The following BABAM2 variants were observed in gnomAD, a reference collection of about 807,000 sequenced individuals.
The protein encoded by BABAM2 is BRISC and BRCA1 A complex member 2.
Under a neutral mutation model 54.7 loss-of-function variants are expected in BABAM2, and 31 were observed. The ratio of observed to expected loss-of-function variants is 0.57; its 90% CI spans 0.43 to 0.77. BABAM2 has a LOEUF of 0.77. BABAM2 is among the 30% of genes least tolerant of loss of function. BABAM2 has a pLI of 0.00. For missense variants in BABAM2, 364 were observed against 455.8 expected, an observed-to-expected ratio of 0.80 and a Z score of 1.83; for synonymous variants, 167 against 162.9, an observed-to-expected ratio of 1.03 and a Z score of -0.19.
intron 3 of BABAM2, among the ~76,000 whole-genome samples, chr2:27,971,537 TA>T (rs1295911945): frequency 1.3e-5 from 2 of 152,134 alleles, no homozygotes; most frequent in Non-Finnish European, 2.9e-5. Context: ...TCTGTATGTT[TA>T]AACCAACTTT....
At chr2:27,949,708 T>C (rs922134411) in intron 3 of BABAM2, among the ~76,000 whole-genome samples, 1 of 152,178 alleles carries the variant, frequency 6.6e-6, no homozygotes, top group African/African-American at 2.4e-5. Context: ...TTCAACTGTT[T>C]AGATATTCTT....
At chr2:27,942,396 T>C (rs766176711) in intron 3 of BABAM2, among the ~76,000 whole-genome samples, 65 of 152,142 alleles carry the variant, frequency 4.3e-4, no homozygotes, top group Non-Finnish European at 6.9e-4. Flanking sequence ...GGTCTCGCCA[T>C]GTCACCCAGC....
intron 3 of BABAM2, among the ~76,000 whole-genome samples, chr2:27,972,634 G>A (rs1388902614): frequency 6.6e-6 from 1 of 151,944 alleles, no homozygotes; most frequent in Non-Finnish European, 1.5e-5. Flanking sequence ...AGATGCTAAA[G>A]TTTATATTTA....
chr2:27,986,488 AT>A (rs1672410153), intron 3 of BABAM2, among the ~76,000 whole-genome samples: 1 of 152,136 alleles, frequency 6.6e-6, no homozygotes, highest in African/African-American at 2.4e-5. Flanking sequence ...AAAAATCCAT[AT>A]GAGTGACATT....
intron 6 of BABAM2, among the ~76,000 whole-genome samples, chr2:28,078,986 T>C (rs943955355): frequency 2.6e-5 from 4 of 152,200 alleles, no homozygotes; most frequent in African/African-American, 9.6e-5. Flanking sequence ...ATTTCCAGCA[T>C]GAACCAATTT....
chr2:28,120,982 TAGGTGGGG>T (rs1200343786), intron 6 of BABAM2, among the ~76,000 whole-genome samples: 4 of 152,222 alleles, frequency 2.6e-5, no homozygotes, highest in Non-Finnish European at 5.9e-5. Flanking sequence ...TTGTCTGGAC[TAGGTGGGG>T]AGAATATTTT....
intron 7 of BABAM2, among the ~76,000 whole-genome samples, chr2:28,131,969 T>C (rs928209956): frequency 6.6e-6 from 1 of 152,216 alleles, no homozygotes; most frequent in Non-Finnish European, 1.5e-5. Context: ...GTTGTTTTTC[T>C]TGGAAGTTAC....
chr2:28,167,099 A>G (rs1013980069), intron 7 of BABAM2, among the ~76,000 whole-genome samples: 2 of 152,196 alleles, frequency 1.3e-5, no homozygotes, highest in African/African-American at 4.8e-5. Flanking sequence ...TAAACTTTTC[A>G]GGAATTGACA....
intron 3 of BABAM2, among the ~76,000 whole-genome samples, chr2:27,939,422 T>A (rs1668720136): frequency 6.6e-6 from 1 of 152,214 alleles, no homozygotes; most frequent in African/African-American, 2.4e-5. Context: ...AATTAAATAT[T>A]TGTTGAAGAA....
intron 4 of BABAM2, among the ~76,000 whole-genome samples, chr2:27,994,846 A>G (rs181989703): frequency 1.3e-5 from 2 of 152,204 alleles, no homozygotes; most frequent in African/African-American, 4.8e-5. Flanking sequence ...CATATAGTAT[A>G]GATGATAGGA....
intron 7 of BABAM2, among the ~76,000 whole-genome samples, chr2:28,177,504 G>C (rs1675132349): frequency 6.6e-6 from 1 of 150,840 alleles, no homozygotes; most frequent in African/African-American, 2.5e-5. Flanking sequence ...AAATGAGGAA[G>C]GGAAAGGACT....
At chr2:28,022,731 A>T (rs890197267) in intron 4 of BABAM2, among the ~76,000 whole-genome samples, 7 of 152,162 alleles carry the variant, frequency 4.6e-5, no homozygotes, top group African/African-American at 9.7e-5. Flanking sequence ...AGAGAGAGAA[A>T]CACTTATTTT....
chr2:28,069,652 T>C (rs1320910339), intron 6 of BABAM2, among the ~76,000 whole-genome samples: 1 of 152,190 alleles, frequency 6.6e-6, no homozygotes, highest in Non-Finnish European at 1.5e-5. Context: ...AGTGGATAAA[T>C]GCAGACACAC....
At chr2:28,248,279 G>A (rs1385260932) in intron 10 of BABAM2, among the ~76,000 whole-genome samples, 7 of 135,202 alleles carry the variant, frequency 5.2e-5, no homozygotes, top group Non-Finnish European at 9.3e-5. Flanking sequence ...ACGGGATCTC[G>A]GCTCACTGCA....
At chr2:28,050,505 C>T (rs1677918441) in intron 6 of BABAM2, among the ~76,000 whole-genome samples, 2 of 152,090 alleles carry the variant, frequency 1.3e-5, no homozygotes, top group Admixed American at 6.5e-5. Context: ...ACAGAGTGGC[C>T]AGAATGAGTT....
chr2:28,086,137 C>T (rs1002893441), intron 6 of BABAM2, among the ~76,000 whole-genome samples: 1 of 151,828 alleles, frequency 6.6e-6, no homozygotes, highest in African/African-American at 2.4e-5. Flanking sequence ...CAGGATATGC[C>T]CAAGTGCAGA....
At chr2:28,077,965 C>T (rs1664833971) in intron 6 of BABAM2, among the ~76,000 whole-genome samples, 2 of 152,092 alleles carry the variant, frequency 1.3e-5, no homozygotes, top group Non-Finnish European at 2.9e-5. Flanking sequence ...TACCTCCATC[C>T]TCTTTTCCAC....
chr2:28,337,369 T>G (rs976848188), intron 11 of BABAM2, among the ~76,000 whole-genome samples: 3 of 152,180 alleles, frequency 2.0e-5, no homozygotes, highest in Non-Finnish European at 2.9e-5. Context: ...TGCCCTGATG[T>G]GGGGTTACCC....
intron 3 of BABAM2, among the ~76,000 whole-genome samples, chr2:27,986,394 T>C (rs1271246551): frequency 6.6e-6 from 1 of 152,102 alleles, no homozygotes; most frequent in African/African-American, 2.4e-5. Flanking sequence ...ATAGTGGCTA[T>C]GGCAAAGTTC....
Sources: gnomAD v4.1 joint callset for allele counts (sites outside exome capture counted in the v4.1 genomes callset) on GRCh38, gnomAD v4.1.1 for gene constraint, MANE v1.5 for transcripts, NCBI Gene and HGNC (gene_info 2026-07-23, HGNC 2026-07-21) for gene names.